RREB1: variants seen among roughly 807,000 people sequenced by gnomAD.
The protein encoded by RREB1 is ras-responsive element-binding protein 1.
RREB1 carries 27 observed loss-of-function variants against 117.8 expected under a neutral mutation model. The observed-to-expected ratio is 0.23, with a 90% confidence interval of 0.17 to 0.32. RREB1 has a LOEUF of 0.32. Ranked by LOEUF, RREB1 falls within the 10% of genes least tolerant of loss-of-function variation. The pLI is 1.00. For synonymous variants in RREB1, 1,298 were observed against 1,026.7 expected (o/e 1.26, Z -5.05); for missense variants, 2,577 against 2,378.2 (o/e 1.08, Z -1.74).
intron 1 of RREB1, among the ~76,000 whole-genome samples, chr6:7,111,130 A>G (rs1056593703): frequency 3.9e-5 from 6 of 152,252 alleles, no homozygotes; most frequent in African/African-American, 1.2e-4. Flanking sequence ...ACCTACACGT[A>G]TTAGTCCAGC....
chr6:7,207,092 C>CCAGCA, intron 6 of RREB1, among the ~76,000 whole-genome samples: 1 of 152,266 alleles, frequency 6.6e-6, no homozygotes, highest in Admixed American at 6.5e-5. Context: ...AGAGGAAGAG[C>CCAGCA]AGAGGGGCCA....
chr6:7,214,240 A>G (rs1245227979), intron 8 of RREB1: 1 of 152,256 alleles, frequency 6.6e-6, no homozygotes, highest in Non-Finnish European at 1.5e-5. Context: ...CTGCACGTCC[A>G]GCTAGCCGAC....
At chr6:7,200,003 A>G (rs1765862618) in intron 6 of RREB1, among the ~76,000 whole-genome samples, 1 of 152,216 alleles carries the variant, frequency 6.6e-6, no homozygotes, top group Non-Finnish European at 1.5e-5. Flanking sequence ...TATTCTTCAA[A>G]TTAGATAAAA....
intron 1 of RREB1, among the ~76,000 whole-genome samples, chr6:7,152,010 C>T (rs1285883): frequency 0.27 from 40,324 of 152,092 alleles, 6,947 homozygotes; most frequent in African/African-American, 0.49. Context: ...GATATTCTCA[C>T]TATATTTCCC....
At chr6:7,199,933 C>T (rs1231419322) in intron 6 of RREB1, among the ~76,000 whole-genome samples, 2 of 152,124 alleles carry the variant, frequency 1.3e-5, no homozygotes, top group South Asian at 2.1e-4. Flanking sequence ...TGTGAATAAT[C>T]GAAAGCTGCC....
intron 1 of RREB1, among the ~76,000 whole-genome samples, chr6:7,171,568 G>T (rs1581485977): frequency 6.6e-6 from 1 of 152,218 alleles, no homozygotes; most frequent in Non-Finnish European, 1.5e-5. Context: ...AAGTGACTCA[G>T]TCCCTCTCAA....
intron 1 of RREB1, among the ~76,000 whole-genome samples, chr6:7,117,526 C>T (rs1471831024): frequency 1.3e-5 from 2 of 149,522 alleles, no homozygotes; most frequent in African/African-American, 2.5e-5. Flanking sequence ...TTCTCTTAGC[C>T]TCCCGAGTAG....
Position 7,226,676 on chromosome 6 carries a change from G to T in RREB1, c.897+20G>T, listed in dbSNP as rs1160348267. ...TCTCAGGTATTCTGATCAGCCCATG[G>T]AAGCAACCAGCAACTGCCTTCCATG... On this transcript the variant is annotated intron_variant, in intron 9 of 12. Coordinates refer to ENST00000379938, the MANE Select transcript of RREB1 (RefSeq NM_001003699.4). 6.3e-7 allele frequency: 1 copy of T among 1,597,846 alleles called. No homozygotes were observed. Among genetic ancestry groups the T allele is most frequent in the Admixed American group, 1.7e-5 (1 of 59,364 alleles).
At chr6:7,163,858 GC>G (rs1369631163) in intron 1 of RREB1, among the ~76,000 whole-genome samples, 1 of 152,218 alleles carries the variant, frequency 6.6e-6, no homozygotes, top group African/African-American at 2.4e-5. Flanking sequence ...CATGATAGAT[GC>G]CATTGTTTCG....
At chr6:7,162,391 TCAGGTTTGCTTTTGCTGTG>T (rs758235492) in intron 1 of RREB1, among the ~76,000 whole-genome samples, 3 of 152,214 alleles carry the variant, frequency 2.0e-5, no homozygotes, top group Admixed American at 6.5e-5. Context: ...TTCTTCAAGC[TCAGGTTTGCTTTTGCTGTG>T]CTGCCCTCGC....
At chr6:7,199,704 C>G (rs1765847005) in intron 6 of RREB1, among the ~76,000 whole-genome samples, 1 of 151,844 alleles carries the variant, frequency 6.6e-6, no homozygotes, top group Non-Finnish European at 1.5e-5. Context: ...CACTCTGTCT[C>G]CCAGGGTGGA....
chr6:7,160,413 T>G (rs919197291), intron 1 of RREB1, among the ~76,000 whole-genome samples: 4 of 152,244 alleles, frequency 2.6e-5, no homozygotes, highest in Non-Finnish European at 4.4e-5. Context: ...CAGATTGCCT[T>G]TTCTAGACTT....
chr6:7,167,621 G>A (rs973171497), intron 1 of RREB1, among the ~76,000 whole-genome samples: 8 of 152,130 alleles, frequency 5.3e-5, no homozygotes, highest in South Asian at 2.1e-4. Flanking sequence ...GTGAGCCACC[G>A]CTCCCGGCCG....
rs868748840 is a variant in RREB1, at chr6:7,231,587, C to T, written c.3488C>T (p.Pro1163Leu). 12 of 1,611,680 alleles carry T rather than the reference C, an allele frequency of 7.4e-6. No individual in the cohort carries two copies. The highest frequency in any genetic ancestry group is 3.4e-4 in the Middle Eastern group (2 of 5,862). The change falls in exon 10 of 13, where the codon CCC becomes CTC. Residue 1163 changes from proline (P) to leucine (L), a missense_variant. By Grantham distance (98) the Pro-to-Leu change is moderately conservative. Coordinates refer to ENST00000379938, the MANE Select transcript of RREB1 (RefSeq NM_001003699.4). ...CGGAAAAGGGGGATGAGGAGCCGAC[C>T]CCGCGCCAACAGCGGCGGGGTGGAC... is the stretch of plus-strand genomic sequence containing the variant. ...RGRKRGMRSR[P>L]RANSGGVDLD...
chr6:7,177,649 T>G (rs886822100), intron 2 of RREB1, among the ~76,000 whole-genome samples: 1 of 152,152 alleles, frequency 6.6e-6, no homozygotes, highest in African/African-American at 2.4e-5. Context: ...ATCCTCCCAC[T>G]CAGCCTCCCA....
chr6:7,111,313 A>G (rs1482756715), intron 1 of RREB1, among the ~76,000 whole-genome samples: 1 of 152,102 alleles, frequency 6.6e-6, no homozygotes, highest in Non-Finnish European at 1.5e-5. Flanking sequence ...ATCATTTATC[A>G]CCTTCAGCTA....
At chr6:7,244,192 G>A (rs531671365) in intron 11 of RREB1, among the ~76,000 whole-genome samples, 1 of 152,088 alleles carries the variant, frequency 6.6e-6, no homozygotes, top group East Asian at 1.9e-4. Context: ...GAACCCAGGA[G>A]GCAGAGGTTA....
At chr6:7,141,786 C>T (rs930406729) in intron 1 of RREB1, among the ~76,000 whole-genome samples, 4 of 152,198 alleles carry the variant, frequency 2.6e-5, no homozygotes, top group East Asian at 3.9e-4. Context: ...CTGGAAGGAG[C>T]GGGGCGTGTG....
chr6:7,201,935 T>C (rs1296388622), intron 6 of RREB1, among the ~76,000 whole-genome samples: 4 of 152,196 alleles, frequency 2.6e-5, no homozygotes, highest in Non-Finnish European at 4.4e-5. Context: ...ACAGAGGCCA[T>C]GTGTGCACCA....
Sources: allele counts gnomAD v4.1 joint callset (sites outside exome capture counted in the v4.1 genomes callset), GRCh38; gene constraint gnomAD v4.1.1; transcripts MANE v1.5; gene names NCBI Gene and HGNC (gene_info 2026-07-23, HGNC 2026-07-21).